LYRM7: variants seen among roughly 807,000 people sequenced by gnomAD.
LYRM7 encodes complex III assembly factor LYRM7.
A neutral mutation model predicts 15.8 loss-of-function variants in LYRM7; 9 were observed. That is an observed-to-expected ratio of 0.57 (90% CI 0.34 to 0.99). LYRM7 has a LOEUF of 0.99. Ranked by LOEUF, LYRM7 falls within the 50% of genes least tolerant of loss-of-function variation. LYRM7 has a pLI of 0.02. For synonymous variants in LYRM7, 39 were observed against 39.4 expected (o/e 0.99, Z 0.04); for missense variants, 115 against 119.1 (o/e 0.97, Z 0.16).
At chr5:131,184,194 T>G (rs1755757252) in intron 3 of LYRM7, among the ~76,000 whole-genome samples, 1 of 152,182 alleles carries the variant, frequency 6.6e-6, no homozygotes. Context: ...CTTGAACTCC[T>G]GACCTCAGGT....
chr5:131,177,157 C>G, intron 1 of LYRM7, among the ~76,000 whole-genome samples: 1 of 152,140 alleles, frequency 6.6e-6, no homozygotes. Flanking sequence ...TCCTAGATAT[C>G]TGTTCCCAAA....
chr5:131,198,430 T>C (rs898250844), intron 4 of LYRM7, among the ~76,000 whole-genome samples: 1 of 152,240 alleles, frequency 6.6e-6, no homozygotes, highest in African/African-American at 2.4e-5. Flanking sequence ...TCGTCTTTCA[T>C]GTCCATGATG....
chr5:131,172,606 G>T (rs1037315688), intron 1 of LYRM7, among the ~76,000 whole-genome samples: 2 of 152,072 alleles, frequency 1.3e-5, no homozygotes, highest in Non-Finnish European at 2.9e-5. Context: ...AACACTTTTG[G>T]TAGAGCCTAC....
intron 1 of LYRM7, among the ~76,000 whole-genome samples, chr5:131,171,286 C>T (rs191408043): frequency 5.3e-4 from 81 of 152,210 alleles, no homozygotes; most frequent in African/African-American, 1.9e-3. Flanking sequence ...CAGTGTTTAT[C>T]CATGATACAA....
chr5:131,200,864 T>C lies in LYRM7; in HGVS notation c.*1263T>C, dbSNP rs1756050408. On this transcript the variant is annotated 3_prime_UTR_variant, in exon 5 of 5. Coordinates refer to ENST00000379380, the MANE Select transcript of LYRM7 (RefSeq NM_181705.4). Reference sequence around the variant, plus strand: ...TATATTTTAGTGTTATTGAATATTTTATCACTGAGCTTTTTTCTTTAACCT... The same window carrying C: ...TATATTTTAGTGTTATTGAATATTTCATCACTGAGCTTTTTTCTTTAACCT... 10 of 152,248 alleles carry C rather than the reference T, an allele frequency of 6.6e-5. No individual in the cohort carries two copies. In the South Asian group the frequency reaches 1.9e-3, roughly 28 times the overall value. 9.4% of individuals were successfully genotyped at this position (152,248 alleles called of 1,614,324 possible).
At chr5:131,174,259 C>T (rs967773755) in intron 1 of LYRM7, among the ~76,000 whole-genome samples, 19 of 152,316 alleles carry the variant, frequency 1.2e-4, no homozygotes, top group Middle Eastern at 3.4e-3. Context: ...TAAGTTTTAT[C>T]GAGATTGCAG....
chr5:131,176,249 T>C (rs897069901), intron 1 of LYRM7, among the ~76,000 whole-genome samples: 1 of 152,248 alleles, frequency 6.6e-6, no homozygotes, highest in Non-Finnish European at 1.5e-5. Context: ...ATATACCTAG[T>C]AGTAGAATTT....
intron 1 of LYRM7, among the ~76,000 whole-genome samples, chr5:131,172,408 A>G (rs1169446001): frequency 3.6e-5 from 5 of 138,682 alleles, no homozygotes; most frequent in Non-Finnish European, 1.5e-5. Context: ...GCAAGACTTC[A>G]TCTCAAAAAA....
At chr5:131,174,026 A>C (rs923761426) in intron 1 of LYRM7, among the ~76,000 whole-genome samples, 3 of 152,252 alleles carry the variant, frequency 2.0e-5, no homozygotes, top group East Asian at 1.9e-4. Flanking sequence ...GCTGTTTGAT[A>C]GCATTTTACC....
At position 131,200,900 on chromosome 5, in the gene LYRM7, TTC is replaced by T. The variant is rs1248644955; in HGVS notation, c.*1300_*1301del. ...TTTTTTCTTTAACCTGAATTCCCTG[TTC>T]CATTTTTCATTCATATTAATTTAAA... is the stretch of plus-strand genomic sequence containing the variant. On this transcript the variant is annotated 3_prime_UTR_variant, in exon 5 of 5. Transcript: ENST00000379380. 3 of 152,174 alleles carry T rather than the reference TTC, an allele frequency of 2.0e-5. No homozygotes were observed. The highest frequency in any genetic ancestry group is 2.0e-4 in the Admixed American group (3 of 15,286). 9.4% of individuals were successfully genotyped at this position (152,174 alleles called of 1,614,324 possible).
At chr5:131,196,577 A>G (rs1348913580) in intron 4 of LYRM7, among the ~76,000 whole-genome samples, 2 of 151,978 alleles carry the variant, frequency 1.3e-5, no homozygotes, top group Non-Finnish European at 2.9e-5. Flanking sequence ...AAAACCACTC[A>G]TGGAAGGTAG....
intron 3 of LYRM7, among the ~76,000 whole-genome samples, chr5:131,183,948 A>G (rs961441416): frequency 1.3e-5 from 2 of 152,044 alleles, no homozygotes; most frequent in African/African-American, 2.4e-5. Context: ...GAAGAGTGGT[A>G]TTGGTTTTTT....
chr5:131,181,302 AATAT>A (rs1561544194), intron 2 of LYRM7, among the ~76,000 whole-genome samples: 1 of 8,774 alleles, frequency 1.1e-4, no homozygotes, highest in South Asian at 8.6e-3. Context: ...AAAAAAAAAA[AATAT>A]ATATATATAT....
chr5:131,188,027 C>A (rs1201799090), intron 4 of LYRM7, among the ~76,000 whole-genome samples: 1 of 151,842 alleles, frequency 6.6e-6, no homozygotes, highest in African/African-American at 2.4e-5. Context: ...GAGGCCAAGG[C>A]AGGAGTCTAG....
chr5:131,188,028 A>C (rs1215494793), intron 4 of LYRM7, among the ~76,000 whole-genome samples: 3 of 151,956 alleles, frequency 2.0e-5, no homozygotes, highest in Admixed American at 2.0e-4. Flanking sequence ...AGGCCAAGGC[A>C]GGAGTCTAGA....
rs997305366 is a variant in LYRM7, at chr5:131,202,611, A to C, written c.*3010A>C. On this transcript the variant is annotated 3_prime_UTR_variant, in exon 5 of 5. Transcript: ENST00000379380. ...ACTGCAGCCTAGAATTTCTGACCTC[A>C]AGCAATCATCCTGCCTCAGCCTCCT... 6.5e-6 allele frequency: 1 copy of C among 152,814 alleles called. No individual in the cohort carries two copies. The highest frequency in any genetic ancestry group is 1.5e-5 in the Non-Finnish European group (1 of 68,070). The allele number at this position is 152,814 out of a possible 1,614,324, so 9.5% of individuals were successfully genotyped here.
At chr5:131,181,478 AC>A (rs1296626837) in intron 2 of LYRM7, among the ~76,000 whole-genome samples, 1 of 128,160 alleles carries the variant, frequency 7.8e-6, no homozygotes, top group Non-Finnish European at 1.6e-5. Flanking sequence ...TATATATATA[AC>A]ATATATATGT....
intron 3 of LYRM7, among the ~76,000 whole-genome samples, chr5:131,186,688 C>T (rs1755799096): frequency 6.6e-6 from 1 of 152,060 alleles, no homozygotes; most frequent in South Asian, 2.1e-4. Flanking sequence ...TCTTGATAAC[C>T]GAGATGGCTA....
chr5:131,190,489 C>CTT (rs75062670), intron 4 of LYRM7, among the ~76,000 whole-genome samples: 1 of 140,168 alleles, frequency 7.1e-6, no homozygotes, highest in African/African-American at 2.6e-5. Context: ...CCACCGTGCC[C>CTT]TTTTTTTTTT....
Sources: gnomAD v4.1 joint callset for allele counts (sites outside exome capture counted in the v4.1 genomes callset) on GRCh38, gnomAD v4.1.1 for gene constraint, MANE v1.5 for transcripts, NCBI Gene and HGNC (gene_info 2026-07-23, HGNC 2026-07-21) for gene names.